Variants in LRPPRC observed in about 807,000 individuals in gnomAD.
LRPPRC encodes the protein leucine rich pentatricopeptide repeat containing.
A neutral mutation model predicts 180.3 loss-of-function variants in LRPPRC; 120 were observed. The ratio of observed to expected loss-of-function variants is 0.67; its 90% CI spans 0.57 to 0.77. The LOEUF is 0.77. LRPPRC is among the 30% of genes least tolerant of loss of function. The probability of loss-of-function intolerance (pLI) is 0.00; values close to 1 mark genes in which losing one functional copy is unlikely to be tolerated. For missense variants in LRPPRC, 2,012 were observed against 1,657.2 expected (o/e 1.21, Z -3.72); for synonymous variants, 723 against 600.0 (o/e 1.21, Z -3.00).
At chr2:43,982,492 G>T in intron 1 of LRPPRC, 58 bp from the exon 2 acceptor site, 3 of 1,338,932 alleles carry the variant, frequency 2.2e-6, no homozygotes, top group Admixed American at 1.8e-5. Flanking sequence ...GTCATTTTTT[G>T]AACAAAACTT....
chr2:43,939,189 G>A (rs1672384990), intron 23 of LRPPRC, among the ~76,000 whole-genome samples: 1 of 151,938 alleles, frequency 6.6e-6, no homozygotes, highest in Non-Finnish European at 1.5e-5. Flanking sequence ...GCTGAGGCAG[G>A]AGAATGGCAT....
At chr2:43,898,729 T>C (rs1670781896) in intron 34 of LRPPRC, among the ~76,000 whole-genome samples, 2 of 152,190 alleles carry the variant, frequency 1.3e-5, no homozygotes, top group South Asian at 4.2e-4. Context: ...CAACTCTTAA[T>C]AAACCTTGAA....
At chr2:43,977,084 T>C (rs754143402) in intron 4 of LRPPRC, 32 bp from the exon 5 acceptor site, 2 of 1,610,136 alleles carry the variant, frequency 1.2e-6, no homozygotes, top group African/African-American at 1.3e-5. Flanking sequence ...TAATTTTAAA[T>C]ATACTTTTTT....
Position 43,974,543 on chromosome 2 carries a change from C to T in LRPPRC, c.1009+71G>A. On this transcript the variant is annotated intron_variant, in intron 8 of 37. Transcript: ENST00000260665. ...CACAATGCCCATTGTTAGAAAATGTCCTTTCCATCATGTAAGAATAGCAAT... is the reference window on the plus strand; with the variant it reads ...CACAATGCCCATTGTTAGAAAATGTTCTTTCCATCATGTAAGAATAGCAAT... 23 of 1,129,458 alleles carry T rather than the reference C, an allele frequency of 2.0e-5. No individual in the cohort carries two copies. In the South Asian group the frequency reaches 3.0e-4, roughly 15 times the overall value. 70.0% of individuals were successfully genotyped at this position (1,129,458 alleles called of 1,614,324 possible). A position where few individuals can be genotyped will look rare whatever the true frequency, so the allele number is the denominator to read the frequency against.
At position 43,905,842 on chromosome 2, in the gene LRPPRC, T is replaced by C. The variant is rs1026654311; in HGVS notation, c.3276-62A>G. On this transcript the variant is annotated intron_variant, in intron 30 of 37. Coordinates refer to ENST00000260665, the MANE Select transcript of LRPPRC (RefSeq NM_133259.4). Reference sequence around the variant, plus strand: ...ATGCTTCTGATACGATAATAAATGGTTGAGCACCAAGGTGAAATTATAAAA... The same window carrying C: ...ATGCTTCTGATACGATAATAAATGGCTGAGCACCAAGGTGAAATTATAAAA... The C allele has an allele frequency of 2.2e-5, 23 of 1,046,574 alleles. No homozygotes were observed. The African/African-American group carries it at 3.3e-4, about 15-fold the overall frequency. 64.8% of individuals were successfully genotyped at this position (1,046,574 alleles called of 1,614,324 possible). A position where few individuals can be genotyped will look rare whatever the true frequency, so the allele number is the denominator to read the frequency against.
intron 31 of LRPPRC, 23 bp downstream of exon 31, chr2:43,905,669 A>C (rs1671043733): frequency 3.2e-6 from 5 of 1,555,064 alleles, no homozygotes; most frequent in Non-Finnish European, 4.4e-6. Flanking sequence ...AATGTGACGT[A>C]AAGGTCAAGC....
intron 31 of LRPPRC, chr2:43,904,074 C>A (rs1012451604): frequency 1.3e-5 from 2 of 152,152 alleles, no homozygotes; most frequent in African/African-American, 4.8e-5. Context: ...TCCTGAGTAG[C>A]TAGAACTACA....
intron 29 of LRPPRC, among the ~76,000 whole-genome samples, chr2:43,915,236 A>ACACACT (rs1401125067): frequency 2.7e-4 from 13 of 47,908 alleles, no homozygotes; most frequent in Non-Finnish European, 5.1e-4. Flanking sequence ...TCTCTCTCAC[A>ACACACT]CACACACACA....
chr2:43,989,037 G>C (rs1254559499), intron 1 of LRPPRC, among the ~76,000 whole-genome samples: 1 of 151,992 alleles, frequency 6.6e-6, no homozygotes, highest in Non-Finnish European at 1.5e-5. Flanking sequence ...ACCACAGCTG[G>C]CTAATTTCTT....
chr2:43,986,709 A>G (rs1286289122), intron 1 of LRPPRC, among the ~76,000 whole-genome samples: 1 of 97,870 alleles, frequency 1.0e-5, no homozygotes, highest in Non-Finnish European at 2.1e-5. Context: ...TCTCATTCTG[A>G]GACGGTCTCA....
At chr2:43,950,693 A>G (rs1012664368) in intron 14 of LRPPRC, 93 bp from the exon 15 acceptor site, 2 of 873,980 alleles carry the variant, frequency 2.3e-6, no homozygotes, top group African/African-American at 3.3e-5. Context: ...TATTAAAATT[A>G]ATAAGTAAAT....
intron 31 of LRPPRC, chr2:43,903,230 C>T (rs1294008408): frequency 6.6e-6 from 1 of 152,346 alleles, no homozygotes; most frequent in Non-Finnish European, 1.5e-5. Flanking sequence ...TGTTACCCAT[C>T]CACATCCCTC....
intron 1 of LRPPRC, among the ~76,000 whole-genome samples, chr2:43,984,844 T>A (rs933714096): frequency 6.6e-6 from 1 of 152,166 alleles, no homozygotes; most frequent in African/African-American, 2.4e-5. Context: ...TATCATCTCA[T>A]CCAAGTATCA....
At chr2:43,928,083 T>A (rs1671953745) in intron 25 of LRPPRC, among the ~76,000 whole-genome samples, 1 of 152,208 alleles carries the variant, frequency 6.6e-6, no homozygotes, top group South Asian at 2.1e-4. Flanking sequence ...CCACATACAA[T>A]CTATCTAATG....
chr2:43,912,306 T>C, intron 30 of LRPPRC, 126 bp downstream of exon 30: 1 of 812,394 alleles, frequency 1.2e-6, no homozygotes, highest in Non-Finnish European at 2.0e-6. Flanking sequence ...TTTCATATGA[T>C]TTTTATGGGT....
At chr2:43,934,164 T>C in intron 25 of LRPPRC, 26 bp downstream of exon 25, 1 of 1,293,606 alleles carries the variant, frequency 7.7e-7, no homozygotes, top group Non-Finnish European at 1.1e-6. Context: ...AGCTCTACAA[T>C]TAGAACACTG....
At chr2:43,910,991 T>C (rs1164846422) in intron 30 of LRPPRC, among the ~76,000 whole-genome samples, 1 of 152,048 alleles carries the variant, frequency 6.6e-6, no homozygotes, top group Non-Finnish European at 1.5e-5. Context: ...TGGCTCTCCT[T>C]CATTATCACA....
chr2:43,894,721 C>G (rs1225182526), intron 35 of LRPPRC, 92 bp from the exon 36 acceptor site: 13 of 741,226 alleles, frequency 1.8e-5, no homozygotes, highest in South Asian at 3.0e-5. Flanking sequence ...AAAATTTTCA[C>G]AATAATTATA....
At position 43,892,494 on chromosome 2, in the gene LRPPRC, G is replaced by T. The variant is rs550862256; in HGVS notation, c.3985+2051C>A. On this transcript the variant is annotated intron_variant, in intron 36 of 37. Coordinates refer to ENST00000260665, the MANE Select transcript of LRPPRC (RefSeq NM_133259.4). ...GTTCACTGAGTATTTAAAGCCTGCT[G>T]TAGAGACCTACTGCTCAGGAAAAAA... Among the ~76,000 whole-genome samples, 18 of 152,262 alleles carry T rather than the reference G, an allele frequency of 1.2e-4. No homozygotes were observed. In the South Asian group the frequency reaches 3.7e-3, roughly 32 times the overall value.
Sources: allele counts gnomAD v4.1 joint callset (sites outside exome capture counted in the v4.1 genomes callset), GRCh38; gene constraint gnomAD v4.1.1; transcripts MANE v1.5; gene names NCBI Gene and HGNC (gene_info 2026-07-23, HGNC 2026-07-21).